BEND4: variants seen among roughly 807,000 people sequenced by gnomAD.
BEND4 encodes BEN domain-containing protein 4.
In BEND4, 27 loss-of-function variants were observed where a neutral mutation model predicts 54.7. The ratio of observed to expected loss-of-function variants is 0.49; its 90% confidence interval spans 0.36 to 0.68. The LOEUF is 0.68. Among genes scored for constraint, BEND4 ranks in the 30% least tolerant of loss-of-function variants. The pLI, the probability that BEND4 is intolerant of heterozygous loss-of-function variation, is 0.00. For synonymous variants in BEND4, 327 were observed against 299.5 expected (o/e 1.09, Z -0.95); for missense variants, 702 against 697.2 (o/e 1.01, Z -0.08).
At chr4:42,151,338 A>G (rs1034591349) in intron 2 of BEND4, 1 of 190,194 alleles carries the variant, frequency 5.3e-6, no homozygotes, top group African/African-American at 4.3e-5. Context: ...GGCCGCCGCT[A>G]TCCCCCGGGG....
chr4:42,124,325 C>T (rs907738026), intron 4 of BEND4, among the ~76,000 whole-genome samples: 1 of 152,092 alleles, frequency 6.6e-6, no homozygotes, highest in African/African-American at 2.4e-5. Context: ...TATACTCAAG[C>T]TTGGGCAAGA....
rs940193791 is a variant in BEND4 at position 42,113,689 on chromosome 4, G to A, written c.*3829C>T. On this transcript the variant is annotated 3_prime_UTR_variant, in exon 6 of 6. Transcript: ENST00000502486. Reference sequence around the variant, plus strand: ...GAGTAGTTGGATCAAGTAAAAAAATGGTTAATAATTTATCTCTCCTTATAA... The same window carrying A: ...GAGTAGTTGGATCAAGTAAAAAAATAGTTAATAATTTATCTCTCCTTATAA... 3 of 152,154 alleles carry A rather than the reference G, an allele frequency of 2.0e-5. No homozygotes were observed. The highest frequency in any genetic ancestry group is 6.5e-5 in the Admixed American group (1 of 15,286). The allele number at this position is 152,154 out of a possible 1,614,324, so 9.4% of individuals were successfully genotyped here.
intron 3 of BEND4, among the ~76,000 whole-genome samples, chr4:42,134,668 A>G (rs769017483): frequency 2.0e-5 from 3 of 152,216 alleles, no homozygotes; most frequent in Non-Finnish European, 2.9e-5. Flanking sequence ...CACGGTAACG[A>G]TAACAGAATC....
At chr4:42,148,041 C>A (rs1215522325) in intron 2 of BEND4, among the ~76,000 whole-genome samples, 1 of 152,066 alleles carries the variant, frequency 6.6e-6, no homozygotes, top group Non-Finnish European at 1.5e-5. Context: ...AATGCAGAAG[C>A]AGAAATTTTT....
intron 3 of BEND4, among the ~76,000 whole-genome samples, chr4:42,140,490 T>C (rs755337747): frequency 6.6e-6 from 1 of 152,258 alleles, no homozygotes; most frequent in African/African-American, 2.4e-5. Context: ...TTTACAGTAA[T>C]AGGACTGATG....
chr4:42,130,566 G>A (rs1720470587), intron 3 of BEND4, among the ~76,000 whole-genome samples: 2 of 151,086 alleles, frequency 1.3e-5, no homozygotes. Flanking sequence ...AGAAACAACA[G>A]ATGCTGGCGA....
intron 2 of BEND4, among the ~76,000 whole-genome samples, chr4:42,146,408 T>C (rs752498095): frequency 1.3e-5 from 2 of 152,250 alleles, no homozygotes; most frequent in Non-Finnish European, 2.9e-5. Context: ...TTAAACAATT[T>C]GTTAGCTTGA....
intron 3 of BEND4, among the ~76,000 whole-genome samples, chr4:42,139,447 ACTT>A (rs1186872127): frequency 1.3e-5 from 2 of 150,214 alleles, no homozygotes; most frequent in Non-Finnish European, 3.0e-5. Context: ...CCTGCCCACA[ACTT>A]CTTTTTTTTT....
intron 3 of BEND4, among the ~76,000 whole-genome samples, chr4:42,130,578 G>C (rs184744847): frequency 1.4e-3 from 218 of 152,202 alleles, no homozygotes; most frequent in African/African-American, 4.9e-3. Flanking sequence ...TGCTGGCGAG[G>C]CTGTGGAGAA....
chr4:42,134,093 A>C (rs1720607047), intron 3 of BEND4, among the ~76,000 whole-genome samples: 1 of 152,188 alleles, frequency 6.6e-6, no homozygotes, highest in Non-Finnish European at 1.5e-5. Context: ...TGGTCTTCGT[A>C]AATAGTTTTC....
At chr4:42,126,504 C>T (rs1720289904) in intron 3 of BEND4, among the ~76,000 whole-genome samples, 1 of 152,176 alleles carries the variant, frequency 6.6e-6, no homozygotes, top group Admixed American at 6.5e-5. Context: ...AAAAGAAGCT[C>T]AATTGATTTG....
At chr4:42,123,702 A>AAAAAAAAAAAAAAAAC (rs1720153334) in intron 4 of BEND4, among the ~76,000 whole-genome samples, 17 of 144,508 alleles carry the variant, frequency 1.2e-4, no homozygotes, top group African/African-American at 2.4e-4. Flanking sequence ...CAGAAAAAAA[A>AAAAAAAAAAAAAAAAC]AAAAAAAAAA....
At chr4:42,119,209 CTTT>C (rs201718811) in intron 5 of BEND4, among the ~76,000 whole-genome samples, 2 of 148,206 alleles carry the variant, frequency 1.3e-5, no homozygotes, top group African/African-American at 2.5e-5. Context: ...GATAATCCGG[CTTT>C]TTTTTTTACT....
rs1291149973 is a variant in BEND4 at position 42,116,068 on chromosome 4, T to A, written c.*1450A>T. 1 of 152,178 alleles carries A rather than the reference T, an allele frequency of 6.6e-6. No homozygotes were observed. Among genetic ancestry groups the A allele is most frequent in the Non-Finnish European group, 1.5e-5 (1 of 68,032 alleles). 9.4% of individuals were successfully genotyped at this position (152,178 alleles called of 1,614,324 possible). A position where few individuals can be genotyped will look rare whatever the true frequency, so the allele number is the denominator to read the frequency against. On this transcript the variant is annotated 3_prime_UTR_variant, in exon 6 of 6. Transcript: ENST00000502486. Reference sequence around the variant, plus strand: ...TAGTGAATACAAACTAAATATTAAATCTAAAGGACAATTTATGAGTTTATG... The same window carrying A: ...TAGTGAATACAAACTAAATATTAAAACTAAAGGACAATTTATGAGTTTATG...
Position 42,151,394 on chromosome 4 carries a change from C to G in BEND4, c.487+263G>C, listed in dbSNP as rs375786242. ...GACCACGCCCGAGCGATCCTGGTCGCCGACTGCCACAGCCGTGCTTCCCGG... is the reference window on the plus strand; with the variant it reads ...GACCACGCCCGAGCGATCCTGGTCGGCGACTGCCACAGCCGTGCTTCCCGG... On this transcript the variant is annotated intron_variant, in intron 2 of 5. Coordinates refer to ENST00000502486, the MANE Select transcript of BEND4 (RefSeq NM_207406.4). 818 of 297,610 alleles carry G rather than the reference C, an allele frequency of 2.7e-3. 8 individuals are homozygous for G. The highest frequency in any genetic ancestry group is 0.016 in the African/African-American group (743 of 46,034). 18.4% of individuals were successfully genotyped at this position (297,610 alleles called of 1,614,324 possible). A position where few individuals can be genotyped will look rare whatever the true frequency, so the allele number is the denominator to read the frequency against.
At position 42,112,977 on chromosome 4, in the gene BEND4, C is replaced by T. The variant is rs1016077716; in HGVS notation, c.*4541G>A. 6.6e-6 allele frequency: 1 copy of T among 152,206 alleles called. No individual in the cohort carries two copies. Among genetic ancestry groups the T allele is most frequent in the Non-Finnish European group, 1.5e-5 (1 of 68,038 alleles). The allele number at this position is 152,206 out of a possible 1,614,324, so 9.4% of individuals were successfully genotyped here. A position where few individuals can be genotyped will look rare whatever the true frequency, so the allele number is the denominator to read the frequency against. ...CTGAAGTGGTTATTTTTATCCAGCA[C>T]TTACATGACTGAAAGCAGCCATCAC... On this transcript the variant is annotated 3_prime_UTR_variant, in exon 6 of 6. Transcript: ENST00000502486.
Position 42,115,813 on chromosome 4 carries a change from GC to G in BEND4, c.*1704del, listed in dbSNP as rs1719796955. 1 of 151,802 alleles carries G rather than the reference GC, an allele frequency of 6.6e-6. No individual in the cohort carries two copies. Among genetic ancestry groups the G allele is most frequent in the African/African-American group, 2.4e-5 (1 of 41,120 alleles). 9.4% of individuals were successfully genotyped at this position (151,802 alleles called of 1,614,324 possible). On this transcript the variant is annotated 3_prime_UTR_variant, in exon 6 of 6. Coordinates refer to ENST00000502486, the MANE Select transcript of BEND4 (RefSeq NM_207406.4). The stretch of plus-strand genomic sequence containing the variant: ...TTTACTTCCAAATTTTAGCTAATTT[GC>G]CCCAAATAGAATTGAATATTGGTTC...
intron 3 of BEND4, among the ~76,000 whole-genome samples, chr4:42,129,422 C>G (rs749129412): frequency 6.6e-6 from 1 of 152,136 alleles, no homozygotes; most frequent in Non-Finnish European, 1.5e-5. Context: ...TTAGAAAAAA[C>G]TACTTTCAAA....
chr4:42,112,343 A>C lies in BEND4; in HGVS notation c.*5175T>G, dbSNP rs1368798777. The C allele has an allele frequency of 6.6e-6, 1 of 152,252 alleles. No homozygotes were observed. Among genetic ancestry groups the C allele is most frequent in the East Asian group, 1.9e-4 (1 of 5,202 alleles). 9.4% of individuals were successfully genotyped at this position (152,252 alleles called of 1,614,324 possible). A position where few individuals can be genotyped will look rare whatever the true frequency, so the allele number is the denominator to read the frequency against. On this transcript the variant is annotated 3_prime_UTR_variant, in exon 6 of 6. Transcript: ENST00000502486. ...ACTGTCACACAATAACTCAATAGAT[A>C]GATATTAACTATAGTTACTACTGTT... is the stretch of plus-strand genomic sequence containing the variant.
Sources: gnomAD v4.1 joint callset for allele counts (sites outside exome capture counted in the v4.1 genomes callset) on GRCh38, gnomAD v4.1.1 for gene constraint, MANE v1.5 for transcripts, NCBI Gene and HGNC (gene_info 2026-07-23, HGNC 2026-07-21) for gene names.